The following CMC1 variants were observed in gnomAD, a reference collection of about 807,000 sequenced individuals.
CMC1 encodes C-X9-C motif containing 1.
In CMC1, 14 loss-of-function variants were observed where a neutral mutation model predicts 14.1. That is an observed-to-expected ratio of 0.99 (90% CI 0.66 to 1.55). The LOEUF (loss-of-function observed/expected upper bound fraction) is 1.55. Ranked by LOEUF, CMC1 falls within the 40% of genes most tolerant of loss-of-function variation. The probability of loss-of-function intolerance (pLI) is 0.00; values close to 1 mark genes in which losing one functional copy is unlikely to be tolerated. For missense variants in CMC1, 127 were observed against 123.8 expected (o/e 1.03, Z -0.12); for synonymous variants, 50 against 38.4 (o/e 1.30, Z -1.12).
At chr3:28,301,571 T>A (rs1438612787) in intron 2 of CMC1, among the ~76,000 whole-genome samples, 1 of 151,992 alleles carries the variant, frequency 6.6e-6, no homozygotes, top group Non-Finnish European at 1.5e-5. Flanking sequence ...ATATCTGAAT[T>A]GCATGAAAAA....
At chr3:28,261,222 A>C (rs1459357827) in intron 1 of CMC1, among the ~76,000 whole-genome samples, 1 of 151,360 alleles carries the variant, frequency 6.6e-6, no homozygotes, top group Admixed American at 6.6e-5. Context: ...ATCTTGTGAG[A>C]GATTTTATTT....
chr3:28,270,762 C>A (rs1245016715), intron 2 of CMC1, among the ~76,000 whole-genome samples: 2 of 151,902 alleles, frequency 1.3e-5, no homozygotes, highest in Non-Finnish European at 2.9e-5. Context: ...TTAACTAGAT[C>A]CCATTTGTCA....
intron 2 of CMC1, chr3:28,294,403 G>A (rs1701639083): frequency 1.5e-6 from 1 of 655,028 alleles, no homozygotes; most frequent in African/African-American, 2.0e-5. Context: ...TTTTTGTCAT[G>A]TGAAATAAAT....
At chr3:28,264,057 G>C (rs543206864) in intron 2 of CMC1, among the ~76,000 whole-genome samples, 2 of 152,114 alleles carry the variant, frequency 1.3e-5, no homozygotes, top group African/African-American at 2.4e-5. Flanking sequence ...ATTTGTAAAT[G>C]ATGAGTTATT....
intron 2 of CMC1, among the ~76,000 whole-genome samples, chr3:28,302,263 A>G (rs1469639650): frequency 6.6e-6 from 1 of 152,206 alleles, no homozygotes; most frequent in African/African-American, 2.4e-5. Flanking sequence ...AAGTGATGAG[A>G]GAAGGCAAAG....
At chr3:28,254,014 C>T (rs1034495434) in intron 1 of CMC1, among the ~76,000 whole-genome samples, 1 of 152,076 alleles carries the variant, frequency 6.6e-6, no homozygotes. Flanking sequence ...AGCCCCAAAG[C>T]AAAATATGAG....
At chr3:28,286,017 G>T (rs768701366) in intron 2 of CMC1, among the ~76,000 whole-genome samples, 1 of 151,824 alleles carries the variant, frequency 6.6e-6, no homozygotes, top group Non-Finnish European at 1.5e-5. Context: ...TGCCTGCCTC[G>T]GCCTCCCAAA....
At chr3:28,310,065 G>A (rs1443457600) in intron 2 of CMC1, among the ~76,000 whole-genome samples, 1 of 151,872 alleles carries the variant, frequency 6.6e-6, no homozygotes, top group Non-Finnish European at 1.5e-5. Flanking sequence ...CAGACCTTCT[G>A]TGCCCTTCCC....
chr3:28,258,614 A>ATTTTT (rs61323375), intron 1 of CMC1, among the ~76,000 whole-genome samples: 31 of 99,128 alleles, frequency 3.1e-4, no homozygotes, highest in African/African-American at 4.8e-4. Context: ...GTATTTCTGG[A>ATTTTT]TTTTTTTTTT....
chr3:28,255,904 T>A (rs1699381209), intron 1 of CMC1, among the ~76,000 whole-genome samples: 1 of 152,128 alleles, frequency 6.6e-6, no homozygotes, highest in South Asian at 2.1e-4. Flanking sequence ...TTCATATCAT[T>A]TTTTTGTTTG....
intron 3 of CMC1, 177 bp downstream of exon 3, chr3:28,316,600 C>G (rs1702937968): frequency 2.6e-6 from 1 of 392,140 alleles, no homozygotes; most frequent in Admixed American, 4.2e-5. Flanking sequence ...ATGAAAGAGT[C>G]TTTTCAAATT....
chr3:28,321,153 A>G lies in CMC1; in HGVS notation c.*1524A>G, dbSNP rs756688334. On this transcript the variant is annotated 3_prime_UTR_variant, in exon 4 of 4. Transcript: ENST00000466830. ...TCAAAAGGAGGGAGATTACTAGAGC[A>G]GACAAAAGCAAAGCAAATATAGAAA... The G allele has an allele frequency of 1.3e-5, 2 of 151,474 alleles. No homozygotes were observed. Among genetic ancestry groups the G allele is most frequent in the Non-Finnish European group, 3.0e-5 (2 of 67,596 alleles). 9.4% of individuals were successfully genotyped at this position (151,474 alleles called of 1,614,324 possible).
At position 28,324,097 on chromosome 3, in the gene CMC1, A is replaced by C; in HGVS notation, c.*4468A>C. Reference sequence around the variant, plus strand: ...TTGATCCAAGTAATGCAGTGGTGGAAGGTTGGGTAAAGGCAAAGTTTTAGT... The same window carrying C: ...TTGATCCAAGTAATGCAGTGGTGGACGGTTGGGTAAAGGCAAAGTTTTAGT... On this transcript the variant is annotated 3_prime_UTR_variant, in exon 4 of 4. Coordinates refer to ENST00000466830, the MANE Select transcript of CMC1 (RefSeq NM_182523.2). 6.2e-7 allele frequency: 1 copy of C among 1,610,170 alleles called. No homozygotes were observed. The highest frequency in any genetic ancestry group is 2.2e-5 in the East Asian group (1 of 44,774).
rs190161189 is a variant in CMC1, at chr3:28,241,620, G to T, written c.-174G>T. 8.9e-6 allele frequency: 11 copies of T among 1,231,514 alleles called. No individual in the cohort carries two copies. In the East Asian group the frequency reaches 1.6e-4, roughly 18 times the overall value. 76.3% of individuals were successfully genotyped at this position (1,231,514 alleles called of 1,614,324 possible). A position where few individuals can be genotyped will look rare whatever the true frequency, so the allele number is the denominator to read the frequency against. Reference sequence around the variant, plus strand: ...GGCGCAACGGGCGGCGGAAGTAGGAGCCTGGGAAGGAAGAGGGAACGGGTC... The same window carrying T: ...GGCGCAACGGGCGGCGGAAGTAGGATCCTGGGAAGGAAGAGGGAACGGGTC... On this transcript the variant is annotated 5_prime_UTR_variant, in exon 1 of 4. Transcript: ENST00000466830.
At chr3:28,255,364 C>T (rs1480791202) in intron 1 of CMC1, among the ~76,000 whole-genome samples, 1 of 151,760 alleles carries the variant, frequency 6.6e-6, no homozygotes, top group Non-Finnish European at 1.5e-5. Context: ...CCTTAGCCTC[C>T]TGAGAAGCTG....
chr3:28,249,522 A>T (rs73822334), intron 1 of CMC1, among the ~76,000 whole-genome samples: 2,996 of 152,334 alleles, frequency 0.02, 91 homozygotes, highest in African/African-American at 0.067. Flanking sequence ...GTTAACTTTT[A>T]CTTGCAGTAG....
intron 2 of CMC1, among the ~76,000 whole-genome samples, chr3:28,286,720 T>C (rs532524429): frequency 1.8e-4 from 27 of 152,348 alleles, no homozygotes; most frequent in Non-Finnish European, 4.0e-4. Flanking sequence ...AAGTAGGTCA[T>C]GGTATCTATA....
intron 1 of CMC1, among the ~76,000 whole-genome samples, chr3:28,242,897 A>T (rs1225891678): frequency 6.6e-6 from 1 of 152,106 alleles, no homozygotes; most frequent in Non-Finnish European, 1.5e-5. Context: ...GCTGGAGAAG[A>T]GGCAGCCCTA....
At position 28,324,720 on chromosome 3, in the gene CMC1, C is replaced by T. The variant is rs1398007358; in HGVS notation, c.*5091C>T. ...TTGTCTGCAGAATGGATATAGAATT[C>T]CTGTCCCAACTATGTCATAGAGCTT... On this transcript the variant is annotated 3_prime_UTR_variant, in exon 4 of 4. Coordinates refer to ENST00000466830, the MANE Select transcript of CMC1 (RefSeq NM_182523.2). The T allele has an allele frequency of 3.2e-6, 1 of 313,052 alleles. No homozygotes were observed. Among genetic ancestry groups the T allele is most frequent in the Non-Finnish European group, 5.8e-6 (1 of 171,228 alleles). The allele number at this position is 313,052 out of a possible 1,614,324, so 19.4% of individuals were successfully genotyped here.
Sources: gnomAD v4.1 joint callset for allele counts (sites outside exome capture counted in the v4.1 genomes callset) on GRCh38, gnomAD v4.1.1 for gene constraint, MANE v1.5 for transcripts, NCBI Gene and HGNC (gene_info 2026-07-23, HGNC 2026-07-21) for gene names.